The following CFAP46 variants were observed in gnomAD, a reference collection of about 807,000 sequenced individuals.
The protein encoded by CFAP46 is cilia- and flagella-associated protein 46.
In CFAP46, 245 loss-of-function variants were observed where a neutral mutation model predicts 325.7. The ratio of observed to expected loss-of-function variants is 0.75; its 90% CI spans 0.68 to 0.84. The LOEUF (loss-of-function observed/expected upper bound fraction) is 0.84, where lower values mean the gene tolerates loss of function less well. Among genes scored for constraint, CFAP46 ranks in the 40% least tolerant of loss-of-function variants. The pLI is 0.00. For missense variants in CFAP46, 3,346 were observed against 3,543.0 expected (o/e 0.94, Z 1.41); for synonymous variants, 1,523 against 1,495.9 (o/e 1.02, Z -0.42).
intron 44 of CFAP46, among the ~76,000 whole-genome samples, chr10:132,841,123 T>C (rs915733294): frequency 6.6e-6 from 1 of 152,168 alleles, no homozygotes; most frequent in African/African-American, 2.4e-5. Flanking sequence ...CATATACAAA[T>C]AGATTCCTAC....
At chr10:132,927,375 C>T (rs373983586) in intron 9 of CFAP46, among the ~76,000 whole-genome samples, 5,767 of 151,338 alleles carry the variant, frequency 0.038, 164 homozygotes, top group South Asian at 0.082. Context: ...GCCTCCGTCC[C>T]GGGGAGCAGG....
At chr10:132,924,936 G>A (rs898224345) in intron 10 of CFAP46, 50 bp from the exon 11 acceptor site, 19 of 1,326,774 alleles carry the variant, frequency 1.4e-5, no homozygotes, top group African/African-American at 2.1e-5. Context: ...CTCGAGCTGC[G>A]GGGCTGGGGC....
intron 50 of CFAP46, among the ~76,000 whole-genome samples, chr10:132,821,221 G>A (rs571789858): frequency 3.0e-4 from 40 of 134,552 alleles, no homozygotes; most frequent in Admixed American, 6.7e-4. Context: ...GCTGTGTGCT[G>A]TGTGTGTGCT....
chr10:132,929,757 C>G lies in CFAP46; in HGVS notation c.914G>C (p.Cys305Ser). The G allele has an allele frequency of 6.2e-7, 1 of 1,613,334 alleles. No homozygotes were observed. The highest frequency in any genetic ancestry group is 8.5e-7 in the Non-Finnish European group (1 of 1,179,596). ...ELARFSLTLK[C>S]MEISSACLSD... ...GAGGCAGGCAGAGGAGATCTCCATG[C>G]ATTTCAAGGTCAAGGAAAAACGCGC... The change falls in exon 9 of 58, where the codon TGC becomes TCC. Residue 305 changes from cysteine (C) to serine (S), a missense_variant. By Grantham distance (112) the Cys-to-Ser change is moderately radical (BLOSUM62 -1). Transcript: ENST00000368586.
intron 44 of CFAP46, among the ~76,000 whole-genome samples, chr10:132,838,326 A>C (rs1848299696): frequency 6.6e-6 from 1 of 152,284 alleles, no homozygotes; most frequent in South Asian, 2.1e-4. Context: ...TGCACAAACA[A>C]AGCAGTTTTT....
intron 6 of CFAP46, 132 bp downstream of exon 6, chr10:132,937,420 T>C: frequency 1.0e-6 from 1 of 991,230 alleles, no homozygotes; most frequent in Non-Finnish European, 1.5e-6. Flanking sequence ...GCTTATGTAA[T>C]TTTGTTCATG....
At chr10:132,845,910 A>C (rs935214467) in intron 44 of CFAP46, 147 bp downstream of exon 44, 7 of 884,466 alleles carry the variant, frequency 7.9e-6, no homozygotes, top group East Asian at 2.7e-5. Context: ...ACCCAGGTGC[A>C]CATGGCTGGG....
chr10:132,929,910 G>C (rs1390682170), intron 8 of CFAP46, 106 bp from the exon 9 acceptor site: 1 of 779,402 alleles, frequency 1.3e-6, no homozygotes, highest in African/African-American at 1.7e-5. Flanking sequence ...GGAAATAAAG[G>C]TAGGATAAGA....
chr10:132,868,012 C>T (rs1848842708), intron 33 of CFAP46, among the ~76,000 whole-genome samples: 3 of 152,208 alleles, frequency 2.0e-5, no homozygotes, highest in South Asian at 2.1e-4. Flanking sequence ...TGCCACAGCA[C>T]GTCCAGAGAG....
At chr10:132,860,676 C>T (rs1032233628) in intron 36 of CFAP46, 106 bp downstream of exon 36, 11 of 1,298,554 alleles carry the variant, frequency 8.5e-6, no homozygotes, top group Admixed American at 2.0e-5. Context: ...TGGATCCAGG[C>T]GTGTCATCAG....
At chr10:132,823,686 A>G (rs1236172047) in intron 50 of CFAP46, among the ~76,000 whole-genome samples, 7 of 64,616 alleles carry the variant, frequency 1.1e-4, no homozygotes, top group East Asian at 5.7e-4. Flanking sequence ...CTGTGTGCTG[A>G]TGTGTGCTGA....
In CFAP46 at chr10:132,922,525, C is replaced by T; in HGVS notation, c.1440G>A (p.Gln480=). 2 of 1,546,660 alleles carry T rather than the reference C, an allele frequency of 1.3e-6. No individual in the cohort carries two copies. Among genetic ancestry groups the T allele is most frequent in the Non-Finnish European group, 1.7e-6 (2 of 1,146,078 alleles). Residue 480 remains glutamine (Q), a synonymous_variant, in exon 12 of 58, where the codon CAG becomes CAA. Coordinates refer to ENST00000368586, the MANE Select transcript of CFAP46 (RefSeq NM_001200049.3). ...TRLRLCTTLY[Q]APERAEDKAI... ...CCTTGTCCTCTGCGCGCTCAGGGGC[C>T]TGGTATAGCGTGGTGCACAGACGCA...
chr10:132,865,705 C>A (rs1848803067), intron 35 of CFAP46, among the ~76,000 whole-genome samples: 1 of 152,242 alleles, frequency 6.6e-6, no homozygotes, highest in East Asian at 1.9e-4. Flanking sequence ...AGTTCTCGTC[C>A]AGCCTCAGAA....
intron 50 of CFAP46, among the ~76,000 whole-genome samples, chr10:132,829,640 C>A (rs137903972): frequency 1.1e-4 from 16 of 152,358 alleles, no homozygotes; most frequent in African/African-American, 3.6e-4. Context: ...TGCCAACCTG[C>A]GACGCTCAGG....
At chr10:132,837,303 A>G (rs1434789306) in intron 44 of CFAP46, among the ~76,000 whole-genome samples, 1 of 152,214 alleles carries the variant, frequency 6.6e-6, no homozygotes, top group Non-Finnish European at 1.5e-5. Context: ...ATGGAGACAT[A>G]CATGTACAGA....
At chr10:132,914,005 C>T (rs1268938396) in intron 17 of CFAP46, among the ~76,000 whole-genome samples, 2 of 152,188 alleles carry the variant, frequency 1.3e-5, no homozygotes, top group South Asian at 4.1e-4. Flanking sequence ...CCCCCGCTCA[C>T]CCCTGCAAAC....
At chr10:132,922,257 C>T (rs761995293) in intron 12 of CFAP46, 33 bp from the exon 13 acceptor site, 30 of 1,537,818 alleles carry the variant, frequency 2.0e-5, no homozygotes, top group Non-Finnish European at 2.5e-5. Flanking sequence ...AGCAAGGGGC[C>T]GCTGGACTTT....
At chr10:132,839,178 T>TTGG (rs930840447) in intron 44 of CFAP46, among the ~76,000 whole-genome samples, 1 of 152,234 alleles carries the variant, frequency 6.6e-6, no homozygotes, top group African/African-American at 2.4e-5. Flanking sequence ...CAGGGCGTTT[T>TTGG]TGGTGAACAG....
intron 44 of CFAP46, among the ~76,000 whole-genome samples, chr10:132,838,892 T>A (rs1848308167): frequency 6.6e-6 from 1 of 152,240 alleles, no homozygotes; most frequent in African/African-American, 2.4e-5. Context: ...ACTGGCCGTG[T>A]CCTCCTTTTC....
Sources: gnomAD v4.1 joint callset for allele counts (sites outside exome capture counted in the v4.1 genomes callset) on GRCh38, gnomAD v4.1.1 for gene constraint, MANE v1.5 for transcripts, NCBI Gene and HGNC (gene_info 2026-07-23, HGNC 2026-07-21) for gene names.